Variants in TJP1 observed in about 807,000 individuals in gnomAD.
TJP1 encodes tight junction protein ZO-1.
A neutral mutation model predicts 194.2 loss-of-function variants in TJP1; 43 were observed. That is an observed-to-expected ratio of 0.22 (90% CI 0.17 to 0.29). TJP1 has a LOEUF of 0.29. Ranked by LOEUF, TJP1 falls within the 10% of genes least tolerant of loss-of-function variation. The pLI is 1.00. For missense variants in TJP1, 1,971 were observed against 2,185.7 expected (o/e 0.90, Z 1.96); for synonymous variants, 801 against 779.0 (o/e 1.03, Z -0.47).
At chr15:29,908,609 G>GTTATGAATTATAAATTAGAATTATAAAT (rs1567185531) in intron 2 of TJP1, among the ~76,000 whole-genome samples, 1 of 152,206 alleles carries the variant, frequency 6.6e-6, no homozygotes, top group Non-Finnish European at 1.5e-5. Context: ...TGGGGCACCA[G>GTTATGAATTATAAATTAGAATTATAAAT]TCCCAAGAGG....
chr15:29,909,429 T>C (rs1055736765), intron 2 of TJP1, among the ~76,000 whole-genome samples: 3 of 151,200 alleles, frequency 2.0e-5, no homozygotes, highest in Admixed American at 2.0e-4. Context: ...ACCAGAGACA[T>C]GGCAGCTACC....
At chr15:29,922,222 C>G (rs75467388) in intron 2 of TJP1, among the ~76,000 whole-genome samples, 2,128 of 152,154 alleles carry the variant, frequency 0.014, 50 homozygotes, top group African/African-American at 0.048. Context: ...AAACTCCAGG[C>G]CTGTAATCCC....
Position 29,701,661 on chromosome 15 carries a change from A to C in TJP1, c.5241T>G (p.Cys1747Trp). 6.2e-7 allele frequency: 1 copy of C among 1,614,158 alleles called. No individual in the cohort carries two copies. Among genetic ancestry groups the C allele is most frequent in the Non-Finnish European group, 8.5e-7 (1 of 1,180,004 alleles). The part of the protein sequence containing the change: ...SGDPKTWQNK[C>W]LPGDPNYLVG... ...CGAGATAATTTGGATCTCCGGGAAGACACTTGTTTTGCCAGGTTTTAGGAT... is the reference window on the plus strand; with the variant it reads ...CGAGATAATTTGGATCTCCGGGAAGCCACTTGTTTTGCCAGGTTTTAGGAT... The change falls in exon 28 of 28, where the codon TGT becomes TGG. Residue 1747 changes from cysteine to tryptophan, a missense_variant. Around this residue, in one of 5 missense-constraint regions of TJP1, gnomAD observed 1,108 missense variants for 1,128.5 expected, o/e 0.98. Coordinates refer to ENST00000614355, the MANE Select transcript of TJP1 (RefSeq NM_001330239.4).
intron 1 of TJP1, among the ~76,000 whole-genome samples, chr15:29,965,385 T>C (rs537916717): frequency 2.6e-5 from 4 of 152,240 alleles, no homozygotes; most frequent in South Asian, 2.1e-4. Flanking sequence ...AATTTTTATA[T>C]ATTTTTAGTA....
At chr15:29,728,618 T>C (rs1182567328) in intron 15 of TJP1, 5 of 152,392 alleles carry the variant, frequency 3.3e-5, no homozygotes, top group Non-Finnish European at 7.3e-5. Flanking sequence ...TTCACTGGTG[T>C]ATACTGTGCC....
chr15:29,840,211 CAG>C (rs1374246513), intron 2 of TJP1, among the ~76,000 whole-genome samples: 1 of 152,140 alleles, frequency 6.6e-6, no homozygotes, highest in African/African-American at 2.4e-5. Flanking sequence ...ATCCTTTCAG[CAG>C]ACTCTTTCCC....
intron 2 of TJP1, among the ~76,000 whole-genome samples, chr15:29,784,566 T>A (rs1219257513): frequency 6.6e-6 from 1 of 152,054 alleles, no homozygotes; most frequent in Non-Finnish European, 1.5e-5. Flanking sequence ...TTCCAAAGTG[T>A]TGGGATTACA....
At chr15:29,707,881 C>A (rs550104070) in intron 25 of TJP1, among the ~76,000 whole-genome samples, 1 of 152,224 alleles carries the variant, frequency 6.6e-6, no homozygotes, top group South Asian at 2.1e-4. Flanking sequence ...CAGGAGGTTA[C>A]AAAAGGTCAT....
intron 2 of TJP1, among the ~76,000 whole-genome samples, chr15:29,903,086 C>G (rs2053684622): frequency 6.6e-6 from 1 of 152,058 alleles, no homozygotes. Context: ...CCACAAAACA[C>G]ACTAGAAGGG....
chr15:29,751,385 A>G (rs2045268862), intron 8 of TJP1, among the ~76,000 whole-genome samples: 1 of 152,192 alleles, frequency 6.6e-6, no homozygotes, highest in African/African-American at 2.4e-5. Context: ...TTTCACTGTG[A>G]TATTGTTTTT....
upstream of TJP1, among the ~76,000 whole-genome samples, chr15:29,827,059 G>C (rs965222068): frequency 2.0e-5 from 3 of 152,266 alleles, no homozygotes; most frequent in South Asian, 2.1e-4. Context: ...AAGGTGTGGG[G>C]TTTAAGTATG....
intron 23 of TJP1, among the ~76,000 whole-genome samples, chr15:29,712,284 C>G (rs1460790080): frequency 6.6e-6 from 1 of 152,186 alleles, no homozygotes; most frequent in Non-Finnish European, 1.5e-5. Context: ...ACATTAAAAT[C>G]TGAAAGTGCA....
intron 15 of TJP1, chr15:29,729,283 C>T (rs913323892): frequency 6.6e-6 from 1 of 151,994 alleles, no homozygotes; most frequent in Non-Finnish European, 1.5e-5. Context: ...CTGGGCAACA[C>T]AGTAAGACCT....
intron 8 of TJP1, among the ~76,000 whole-genome samples, chr15:29,757,695 G>A (rs2045732724): frequency 6.6e-6 from 1 of 152,206 alleles, no homozygotes; most frequent in Non-Finnish European, 1.5e-5. Flanking sequence ...AGAACCTGAA[G>A]AGATTTTTCC....
At chr15:29,914,752 T>C (rs2054129904) in intron 2 of TJP1, among the ~76,000 whole-genome samples, 1 of 151,968 alleles carries the variant, frequency 6.6e-6, no homozygotes, top group Admixed American at 6.6e-5. Flanking sequence ...TCACCTGAAT[T>C]CCACTCACAC....
chr15:29,889,085 C>A (rs1399791069), intron 2 of TJP1, among the ~76,000 whole-genome samples: 1 of 152,126 alleles, frequency 6.6e-6, no homozygotes, highest in East Asian at 1.9e-4. Flanking sequence ...GAGCAGGCCT[C>A]CAAGTAAATC....
At chr15:29,966,196 T>G (rs1376793300) in intron 1 of TJP1, among the ~76,000 whole-genome samples, 3 of 152,190 alleles carry the variant, frequency 2.0e-5, no homozygotes, top group Non-Finnish European at 4.4e-5. Flanking sequence ...TCAAATATTA[T>G]TCCCACATCT....
At chr15:29,845,119 CAAAGTATGCT>C (rs757779945) in intron 2 of TJP1, among the ~76,000 whole-genome samples, 1 of 152,148 alleles carries the variant, frequency 6.6e-6, no homozygotes, top group Non-Finnish European at 1.5e-5. Context: ...AGCCCTCAAA[CAAAGTATGCT>C]AAAGCAGTTT....
At position 29,834,226 on chromosome 15, in the gene TJP1, A is replaced by AT. The variant is rs879783769; in HGVS notation, c.307-33525dup. Among the ~76,000 whole-genome samples, 842 of 123,952 alleles carry AT rather than the reference A, an allele frequency of 6.8e-3. 7 individuals carry two copies. Among genetic ancestry groups the AT allele is most frequent in the Admixed American group, 0.024 (276 of 11,676 alleles). 81.3% of individuals were successfully genotyped at this position (123,952 alleles called of 152,430 possible). A position where few individuals can be genotyped will look rare whatever the true frequency, so the allele number is the denominator to read the frequency against. On this transcript the variant is annotated intron_variant, in intron 2 of 28. Coordinates refer to the TJP1 transcript ENST00000356107. Reference sequence around the variant, plus strand: ...TTAAGAATCTTGTGAGTAAATAGGGATTTTTTTTTTTTTTGAGACAAAGTC... The same window carrying AT: ...TTAAGAATCTTGTGAGTAAATAGGGATTTTTTTTTTTTTTTGAGACAAAGTC...
Sources: gnomAD v4.1 joint callset for allele counts (sites outside exome capture counted in the v4.1 genomes callset) on GRCh38, gnomAD v4.1.1 for gene constraint, gnomAD v4.1.1 regional missense constraint, MANE v1.5 for transcripts, NCBI Gene and HGNC (gene_info 2026-07-23, HGNC 2026-07-21) for gene names.